The following MIR2052HG variants were observed in gnomAD, a reference collection of about 807,000 sequenced individuals.
MIR2052HG encodes the protein MIR2052 host gene.
chr8:74,600,854 G>A (rs949733418), intron 1 of MIR2052HG, among the ~76,000 whole-genome samples: 4 of 152,202 alleles, frequency 2.6e-5, no homozygotes, highest in Non-Finnish European at 1.5e-5. Flanking sequence ...GATTACAGGC[G>A]TGAGCCACCG....
chr8:74,713,265 A>C (rs1374866888), intron 4 of MIR2052HG, among the ~76,000 whole-genome samples: 1 of 152,190 alleles, frequency 6.6e-6, no homozygotes, highest in Non-Finnish European at 1.5e-5. Context: ...TCACTCTCTC[A>C]ATCTTCAGTG....
At chr8:74,720,798 G>A (rs1434003981) in intron 4 of MIR2052HG, among the ~76,000 whole-genome samples, 5 of 152,082 alleles carry the variant, frequency 3.3e-5, no homozygotes, top group African/African-American at 1.2e-4. Context: ...AGTTCCACAG[G>A]CCTTTTACCA....
intron 4 of MIR2052HG, among the ~76,000 whole-genome samples, chr8:74,726,851 C>T (rs952554576): frequency 6.6e-6 from 1 of 152,190 alleles, no homozygotes; most frequent in African/African-American, 2.4e-5. Context: ...GTTTATAGCA[C>T]TAAGTGACTG....
At chr8:74,633,242 G>A (rs1468371677) in intron 2 of MIR2052HG, 1 of 152,012 alleles carries the variant, frequency 6.6e-6, no homozygotes, top group Non-Finnish European at 1.5e-5. Flanking sequence ...TACCCAGGAT[G>A]GTCTTGAACT....
chr8:74,673,524 G>C (rs1027140572), intron 2 of MIR2052HG, among the ~76,000 whole-genome samples: 3 of 151,868 alleles, frequency 2.0e-5, no homozygotes, highest in African/African-American at 7.3e-5. Flanking sequence ...TATGCTACAG[G>C]GTAGATGAAC....
At chr8:74,732,483 T>A (rs776718707) in intron 4 of MIR2052HG, among the ~76,000 whole-genome samples, 1 of 152,174 alleles carries the variant, frequency 6.6e-6, no homozygotes, top group Non-Finnish European at 1.5e-5. Flanking sequence ...GGTAAAAAAC[T>A]AGGGTGCTGG....
intron 2 of MIR2052HG, among the ~76,000 whole-genome samples, chr8:74,679,747 C>G (rs1028380127): frequency 3.3e-5 from 5 of 151,530 alleles, no homozygotes; most frequent in Non-Finnish European, 7.4e-5. Flanking sequence ...TCACCATGTT[C>G]GCCAGGCTGG....
chr8:74,613,070 G>T, intron 2 of MIR2052HG: 1 of 341,146 alleles, frequency 2.9e-6, no homozygotes, highest in Admixed American at 3.7e-5. Context: ...GATGAGAGAG[G>T]CCACGGCTAC....
chr8:74,619,926 T>C (rs180796703), intron 2 of MIR2052HG, among the ~76,000 whole-genome samples: 138 of 152,276 alleles, frequency 9.1e-4, no homozygotes, highest in African/African-American at 3.2e-3. Flanking sequence ...CAAAGTCTCA[T>C]CTGAGACAGG....
chr8:74,677,032 A>G (rs1437379964), intron 2 of MIR2052HG, among the ~76,000 whole-genome samples: 3 of 152,076 alleles, frequency 2.0e-5, no homozygotes, highest in Non-Finnish European at 4.4e-5. Context: ...AAGAAATGTA[A>G]AAAGAACTTG....
At chr8:74,663,457 C>T (rs962292580) in intron 2 of MIR2052HG, among the ~76,000 whole-genome samples, 1 of 152,166 alleles carries the variant, frequency 6.6e-6, no homozygotes, top group African/African-American at 2.4e-5. Context: ...CATGGTTGCT[C>T]TTAGGGAATA....
chr8:74,632,790 C>A (rs1000423018), intron 2 of MIR2052HG, among the ~76,000 whole-genome samples: 9 of 152,052 alleles, frequency 5.9e-5, no homozygotes, highest in Admixed American at 4.6e-4. Flanking sequence ...TGGCTCTTTT[C>A]TCTGAAGACA....
intron 1 of MIR2052HG, among the ~76,000 whole-genome samples, chr8:74,605,342 A>C (rs920635454): frequency 3.9e-5 from 6 of 152,238 alleles, no homozygotes; most frequent in African/African-American, 1.4e-4. Context: ...TAAGCAGGAG[A>C]GCATTTAACA....
At chr8:74,679,839 G>A in intron 2 of MIR2052HG, among the ~76,000 whole-genome samples, 1 of 152,072 alleles carries the variant, frequency 6.6e-6, no homozygotes, top group East Asian at 1.9e-4. Context: ...ACCGTGCCCA[G>A]CTGCCTGGTT....
At chr8:74,671,480 T>C (rs2128738068) in intron 2 of MIR2052HG, among the ~76,000 whole-genome samples, 1 of 152,266 alleles carries the variant, frequency 6.6e-6, no homozygotes, top group South Asian at 2.1e-4. Flanking sequence ...GAGTTGAGTT[T>C]ATTAAAACAA....
At chr8:74,752,294 A>C in intron 4 of MIR2052HG, 1 of 318,038 alleles carries the variant, frequency 3.1e-6, no homozygotes, top group South Asian at 2.5e-5. Flanking sequence ...AAAAAAAAAA[A>C]AAAAAAAAGT....
chr8:74,744,290 A>T, intron 4 of MIR2052HG, among the ~76,000 whole-genome samples: 1 of 139,346 alleles, frequency 7.2e-6, no homozygotes, highest in African/African-American at 2.5e-5. Context: ...TATTTTTTCA[A>T]TTTTTAGAGA....
chr8:74,608,603 A>C (rs1808147084), intron 1 of MIR2052HG, among the ~76,000 whole-genome samples: 1 of 152,186 alleles, frequency 6.6e-6, no homozygotes, highest in African/African-American at 2.4e-5. Flanking sequence ...ATAAGTTAAG[A>C]TTCAATCAAT....
At chr8:74,632,779 A>G (rs1274575104) in intron 2 of MIR2052HG, among the ~76,000 whole-genome samples, 1 of 152,124 alleles carries the variant, frequency 6.6e-6, no homozygotes, top group African/African-American at 2.4e-5. Flanking sequence ...AATATTATAC[A>G]TGGCTCTTTT....
Sources: gnomAD v4.1 joint callset for allele counts (sites outside exome capture counted in the v4.1 genomes callset) on GRCh38, gnomAD v4.1.1 for gene constraint, MANE v1.5 for transcripts, NCBI Gene and HGNC (gene_info 2026-07-23, HGNC 2026-07-21) for gene names.